Variants in ARSG observed in about 807,000 individuals in gnomAD.
The protein encoded by ARSG is ASG.
In ARSG, 37 loss-of-function variants were observed where a neutral mutation model predicts 50.5. The ratio of observed to expected loss-of-function variants is 0.73; its 90% CI spans 0.56 to 0.96. ARSG has a LOEUF of 0.96. Ranked by LOEUF, ARSG falls within the 50% of genes least tolerant of loss-of-function variation. The pLI is 0.00. For synonymous variants in ARSG, 225 were observed against 254.6 expected, an observed-to-expected ratio of 0.88 and a Z score of 1.11; for missense variants, 629 against 675.3, an observed-to-expected ratio of 0.93 and a Z score of 0.76.
intron 9 of ARSG, among the ~76,000 whole-genome samples, chr17:68,393,866 T>TTAAAAAAA (rs2081109302): frequency 9.6e-6 from 1 of 104,536 alleles, no homozygotes; most frequent in African/African-American, 6.5e-5. Flanking sequence ...AGACTCCATC[T>TTAAAAAAA]CAAAAAAAAA....
chr17:68,375,751 C>T (rs555146155), intron 8 of ARSG, among the ~76,000 whole-genome samples: 6 of 152,124 alleles, frequency 3.9e-5, no homozygotes, highest in South Asian at 2.1e-4. Flanking sequence ...GGCAGCAGCC[C>T]GGGCAGGGGT....
intron 11 of ARSG, among the ~76,000 whole-genome samples, chr17:68,402,224 T>C (rs12601582): frequency 6.6e-6 from 1 of 151,980 alleles, no homozygotes; most frequent in African/African-American, 2.4e-5. Flanking sequence ...ACTAGTTTTT[T>C]TTGTTGTTTG....
chr17:68,348,366 A>T (rs957778868), intron 4 of ARSG, among the ~76,000 whole-genome samples: 1 of 152,162 alleles, frequency 6.6e-6, no homozygotes, highest in African/African-American at 2.4e-5. Flanking sequence ...ACCAGCTCCT[A>T]TGCAGCAGGA....
In ARSG at chr17:68,357,431, A is replaced by T. The variant is rs1043773701; in HGVS notation, c.704+627A>T. Reference sequence around the variant, plus strand: ...AATTCTGTTGTTCACTTGCATCTTCAGTCAAATCTCCCCTCTGGCTCCCAC... The same window carrying T: ...AATTCTGTTGTTCACTTGCATCTTCTGTCAAATCTCCCCTCTGGCTCCCAC... On this transcript the variant is annotated intron_variant, in intron 6 of 11. Transcript: ENST00000621439. Among the ~76,000 whole-genome samples, 9 of 152,264 alleles carry T rather than the reference A, an allele frequency of 5.9e-5. No individual in the cohort carries two copies. The East Asian group carries it at 1.7e-3, about 29-fold the overall frequency.
At chr17:68,318,901 G>C (rs1418814735) in intron 2 of ARSG, among the ~76,000 whole-genome samples, 3 of 152,176 alleles carry the variant, frequency 2.0e-5, no homozygotes, top group African/African-American at 4.8e-5. Context: ...CAATTTAGTT[G>C]AACACTTGGC....
intron 4 of ARSG, 74 bp from the exon 5 acceptor site, chr17:68,351,501 T>G (rs931372062): frequency 1.3e-6 from 1 of 785,186 alleles, no homozygotes; most frequent in African/African-American, 1.7e-5. Flanking sequence ...ATTACATTTT[T>G]GTCGTGGGTG....
At chr17:68,321,151 A>G (rs1555770417) in intron 2 of ARSG, among the ~76,000 whole-genome samples, 1 of 152,180 alleles carries the variant, frequency 6.6e-6, no homozygotes, top group Non-Finnish European at 1.5e-5. Flanking sequence ...ACTGCACTCC[A>G]GCCTGGACAA....
intron 8 of ARSG, among the ~76,000 whole-genome samples, chr17:68,383,433 C>T (rs998434914): frequency 3.3e-5 from 5 of 152,214 alleles, no homozygotes; most frequent in East Asian, 1.9e-4. Context: ...GAACCACAGC[C>T]GTGATCTTTC....
Position 68,385,180 on chromosome 17 carries a change from AC to A in ARSG, c.1091+10del, listed in dbSNP as rs1388255515. 6.2e-7 allele frequency: 1 copy of A among 1,610,704 alleles called. No homozygotes were observed. Among genetic ancestry groups the A allele is most frequent in the East Asian group, 2.2e-5 (1 of 44,798 alleles). On this transcript the variant is annotated intron_variant, in intron 9 of 11. Transcript: ENST00000621439. ...CAGCACTGCCTTGTTAAGGTATGAGACCAAAACTACCTTGAGATGTTGGGGC... is the reference window on the plus strand; with the variant it reads ...CAGCACTGCCTTGTTAAGGTATGAGACAAAACTACCTTGAGATGTTGGGGC...
Position 68,351,438 on chromosome 17 carries a change from A to C in ARSG, c.455-137A>C, listed in dbSNP as rs1030646156. ...TGCATACTACAAAGGGATATTAATC[A>C]AATCCTCTTATAATTACATACTCTA... is the stretch of plus-strand genomic sequence containing the variant. On this transcript the variant is annotated intron_variant, in intron 4 of 11. Coordinates refer to ENST00000621439, the MANE Select transcript of ARSG (RefSeq NM_001267727.2). The C allele has an allele frequency of 6.9e-6, 4 of 581,522 alleles. No homozygotes were observed. The African/African-American group carries it at 7.4e-5, about 11-fold the overall frequency. The allele number at this position is 581,522 out of a possible 1,614,324, so 36.0% of individuals were successfully genotyped here. A position where few individuals can be genotyped will look rare whatever the true frequency, so the allele number is the denominator to read the frequency against.
At chr17:68,272,681 C>T (rs369358167) in intron 1 of ARSG, 1 of 1,614,162 alleles carries the variant, frequency 6.2e-7, no homozygotes, top group Non-Finnish European at 8.5e-7. Flanking sequence ...CCTGTGGAAG[C>T]AACTGCAGTG....
At chr17:68,447,183 G>C in the ARSG span, among the ~76,000 whole-genome samples, 1 of 152,242 alleles carries the variant, frequency 6.6e-6, no homozygotes, top group South Asian at 2.1e-4. Flanking sequence ...GAGGCTTCGA[G>C]CCAATCAGCC....
chr17:68,352,286 G>A (rs961418316), intron 5 of ARSG, among the ~76,000 whole-genome samples: 2 of 151,548 alleles, frequency 1.3e-5, no homozygotes, highest in African/African-American at 4.9e-5. Context: ...GCACCAAATA[G>A]GATGTTTTGA....
intron 1 of ARSG, among the ~76,000 whole-genome samples, chr17:68,260,215 C>T (rs1477057950): frequency 2.0e-5 from 3 of 152,182 alleles, no homozygotes; most frequent in Admixed American, 1.3e-4. Flanking sequence ...GCCGAGTAAA[C>T]TTGCTTGTTG....
chr17:68,354,819 G>T (rs530704482), intron 5 of ARSG, among the ~76,000 whole-genome samples: 1 of 151,194 alleles, frequency 6.6e-6, no homozygotes, highest in African/African-American at 2.4e-5. Context: ...AGCTGAGATT[G>T]TGCCACTGCA....
chr17:68,352,236 G>C (rs775573042), intron 5 of ARSG, among the ~76,000 whole-genome samples: 1 of 151,254 alleles, frequency 6.6e-6, no homozygotes, highest in African/African-American at 2.4e-5. Flanking sequence ...TCCCCGCATG[G>C]ACAACTAAGC....
intron 2 of ARSG, among the ~76,000 whole-genome samples, chr17:68,332,967 T>C (rs1011755617): frequency 2.0e-5 from 3 of 152,194 alleles, no homozygotes; most frequent in African/African-American, 7.2e-5. Context: ...TGTGAAGTGC[T>C]TGGAAAAGTG....
intron 4 of ARSG, among the ~76,000 whole-genome samples, chr17:68,350,355 C>G (rs2078700450): frequency 6.6e-6 from 1 of 152,192 alleles, no homozygotes; most frequent in Admixed American, 6.5e-5. Context: ...AATAGCAATT[C>G]TTTGTGAGAT....
rs61745585 is a variant in ARSG, at chr17:68,271,465, C to T, written c.-552+12039C>T. On this transcript the variant is annotated intron_variant, in intron 1 of 11. Coordinates refer to the ARSG transcript ENST00000448504. This position sits in a 1 kb window ranked among gnomAD's most constrained non-coding sequence, Gnocchi z 5.3. ...TGAGTCAATGGAGTCTATTGAGGTT[C>T]GTGTTTTCTCATTTTCAAGCATATA... 14 of 1,613,924 alleles carry T rather than the reference C, an allele frequency of 8.7e-6. No individual in the cohort carries two copies. Among genetic ancestry groups the T allele is most frequent in the Admixed American group, 5.0e-5 (3 of 59,982 alleles).
Sources: allele counts gnomAD v4.1 joint callset (sites outside exome capture counted in the v4.1 genomes callset), GRCh38; gene constraint gnomAD v4.1.1; non-coding constraint Gnocchi (gnomAD v3.1); transcripts MANE v1.5; gene names NCBI Gene and HGNC (gene_info 2026-07-23, HGNC 2026-07-21).